Variants in HERC2 observed in about 807,000 individuals in gnomAD.
The protein encoded by HERC2 is E3 ubiquitin-protein ligase HERC2.
HERC2 carries 102 observed loss-of-function variants against 537.7 expected under a neutral mutation model. That is an observed-to-expected ratio of 0.19 (90% CI 0.16 to 0.22). The LOEUF (loss-of-function observed/expected upper bound fraction) is 0.22, where lower values mean the gene tolerates loss of function less well. Among genes scored for constraint, HERC2 ranks in the 10% least tolerant of loss-of-function variants. The pLI is 1.00. For missense variants in HERC2, 4,236 were observed against 6,198.2 expected (o/e 0.68, Z 10.63); for synonymous variants, 2,224 against 2,466.2 (o/e 0.90, Z 2.91).
chr15:28,294,064 C>T (rs1164842340), intron 3 of HERC2, among the ~76,000 whole-genome samples: 2 of 152,184 alleles, frequency 1.3e-5, no homozygotes, highest in Admixed American at 6.5e-5. Flanking sequence ...CTAAAAATCT[C>T]GAAGGAAACA....
Position 28,265,797 on chromosome 15 carries a change from C to A in HERC2, c.1756+20G>T. ...GGCCACCTCCTGCTGCATGCTCCCA[C>A]TCATGCAGAGCAGACGTACCATGGC... On this transcript the variant is annotated intron_variant, in intron 13 of 92. Coordinates refer to ENST00000261609, the MANE Select transcript of HERC2 (RefSeq NM_004667.6). This position sits in a 1 kb window ranked among gnomAD's most constrained non-coding sequence, Gnocchi z 4.0. The A allele has an allele frequency of 2.5e-6, 4 of 1,614,052 alleles. No homozygotes were observed. The highest frequency in any genetic ancestry group is 3.4e-6 in the Non-Finnish European group (4 of 1,179,892).
At chr15:28,274,200 A>G in intron 7 of HERC2, 91 bp downstream of exon 7, 1 of 1,365,048 alleles carries the variant, frequency 7.3e-7, no homozygotes, top group Non-Finnish European at 1.0e-6. Flanking sequence ...CCAACCTACT[A>G]GGCTTCTTAG....
At position 28,246,914 on chromosome 15, in the gene HERC2, G is replaced by A; in HGVS notation, c.3236-17C>T. The A allele has an allele frequency of 6.3e-7, 1 of 1,592,000 alleles. No homozygotes were observed. Among genetic ancestry groups the A allele is most frequent in the Non-Finnish European group, 8.5e-7 (1 of 1,173,580 alleles). ...GCTCTGGACCTTGAAGAAGGATTGA[G>A]AAATTTTCATTTTCACTACTAAAAT... On this transcript the variant is annotated splice_polypyrimidine_tract_variant and intron_variant, in intron 21 of 92. Coordinates refer to ENST00000261609, the MANE Select transcript of HERC2 (RefSeq NM_004667.6).
intron 23 of HERC2, among the ~76,000 whole-genome samples, chr15:28,242,833 T>C (rs1012551915): frequency 6.6e-6 from 1 of 152,202 alleles, no homozygotes; most frequent in Non-Finnish European, 1.5e-5. Flanking sequence ...AGGAAAAGCA[T>C]GTGATGAAAC....
rs749104715 is a variant in HERC2, at chr15:28,111,767, T to C, written c.14501A>G (p.His4834Arg). 6 of 1,612,762 alleles carry C rather than the reference T, an allele frequency of 3.7e-6. No homozygotes were observed. In the African/African-American group the frequency reaches 4.0e-5, roughly 11 times the overall value. ...TCACGAGGACGTTTCCCCATCTTAG[T>C]GTCCTGTTAAATAATCTTGTGTAGA... ...SDSTQDYLTG[H>R] is the part of the protein sequence containing the mutation. Residue 4834 changes from histidine (H) to arginine (R), a missense_variant, in exon 93 of 93, where the codon CAC becomes CGC. Around this residue, in one of 27 missense-constraint regions of HERC2, gnomAD observed 313 missense variants for 462.6 expected, o/e 0.68. Transcript: ENST00000261609.
chr15:28,211,683 T>A (rs1899252073), intron 43 of HERC2, among the ~76,000 whole-genome samples: 1 of 152,040 alleles, frequency 6.6e-6, no homozygotes. Context: ...TTCACCACGA[T>A]GGGAAACGGC....
chr15:28,269,157 A>T, intron 11 of HERC2, 91 bp downstream of exon 11: 1 of 925,742 alleles, frequency 1.1e-6, no homozygotes, highest in Non-Finnish European at 1.6e-6. Flanking sequence ...CAGAAATCAA[A>T]CGCCTTAAAG....
chr15:28,162,319 ACT>A (rs546504846), intron 69 of HERC2, among the ~76,000 whole-genome samples: 9 of 152,328 alleles, frequency 5.9e-5, no homozygotes, highest in African/African-American at 2.2e-4. Flanking sequence ...GGTGAAGGAG[ACT>A]GTCTCAAAAA....
At position 28,271,043 on chromosome 15, in the gene HERC2, T is replaced by C. The variant is rs190233239; in HGVS notation, c.1084-175A>G. On this transcript the variant is annotated intron_variant, in intron 9 of 92. Transcript: ENST00000261609. Reference sequence around the variant, plus strand: ...ATATTTATGCAGCATATAAACTGACTGTGTAAATGTCTAAATTTGCTGTAC... The same window carrying C: ...ATATTTATGCAGCATATAAACTGACCGTGTAAATGTCTAAATTTGCTGTAC... Among the ~76,000 whole-genome samples, 10 of 152,358 alleles carry C rather than the reference T, an allele frequency of 6.6e-5. No homozygotes were observed. In the East Asian group the frequency reaches 1.7e-3, roughly 26 times the overall value.
At chr15:28,293,411 T>A (rs560913683) in intron 3 of HERC2, among the ~76,000 whole-genome samples, 14 of 147,786 alleles carry the variant, frequency 9.5e-5, no homozygotes, top group African/African-American at 3.5e-4. Flanking sequence ...GAGAATGGCG[T>A]GAACCCGGGA....
Position 28,176,604 on chromosome 15 carries a change from G to A in HERC2, c.9515-5C>T. The stretch of plus-strand genomic sequence containing the variant: ...CACCCCAGGAAAATACCAAACCTAG[G>A]TTTAAGAAACACATATACTTCAGGC... On this transcript the variant is annotated splice_polypyrimidine_tract_variant and splice_region_variant and intron_variant, in intron 62 of 92. Transcript: ENST00000261609. This position sits in a 1 kb window ranked among gnomAD's most constrained non-coding sequence, Gnocchi z 5.0. 5 of 1,614,002 alleles carry A rather than the reference G, an allele frequency of 3.1e-6. No homozygotes were observed. The highest frequency in any genetic ancestry group is 3.4e-6 in the Non-Finnish European group (4 of 1,179,992).
intron 2 of HERC2, among the ~76,000 whole-genome samples, chr15:28,309,356 T>G (rs1279110424): frequency 6.6e-6 from 1 of 152,216 alleles, no homozygotes; most frequent in African/African-American, 2.4e-5. Flanking sequence ...TGAGTGCATA[T>G]ATACATATAT....
At chr15:28,141,032 G>A (rs1891170155) in intron 78 of HERC2, among the ~76,000 whole-genome samples, 1 of 150,916 alleles carries the variant, frequency 6.6e-6, no homozygotes, top group Non-Finnish European at 1.5e-5. Context: ...GAGGTCAGGA[G>A]TTCGAGACCA....
At chr15:28,252,266 T>C (rs2075107964) in intron 20 of HERC2, among the ~76,000 whole-genome samples, 1 of 151,664 alleles carries the variant, frequency 6.6e-6, no homozygotes, top group African/African-American at 2.4e-5. Context: ...TAGTTGCAGG[T>C]CAAACAGGCC....
chr15:28,261,215 ATC>A (rs2075406357), intron 15 of HERC2, among the ~76,000 whole-genome samples: 1 of 152,030 alleles, frequency 6.6e-6, no homozygotes, highest in Non-Finnish European at 1.5e-5. Flanking sequence ...TACAAAAAGG[ATC>A]TGTTTTTTTT....
rs1903761786 is a variant in HERC2, at chr15:28,246,859, A to G, written c.3274T>C (p.Tyr1092His). 6.2e-7 allele frequency: 1 copy of G among 1,611,024 alleles called. No homozygotes were observed. The highest frequency in any genetic ancestry group is 8.5e-7 in the Non-Finnish European group (1 of 1,178,994). Residue 1092 changes from tyrosine (Y) to histidine (H), a missense_variant, in exon 22 of 93, where the codon TAC (tyrosine) becomes CAC (histidine). Around this residue, in one of 27 missense-constraint regions of HERC2, gnomAD observed 754 missense variants for 1,085.0 expected, o/e 0.69. Coordinates refer to ENST00000261609, the MANE Select transcript of HERC2 (RefSeq NM_004667.6). ...LMGVGSLLKK[Y>H]TALLCTHIGD... The stretch of plus-strand genomic sequence containing the variant: ...ATGTGCGTGCACAGGAGGGCTGTGT[A>G]CTTCTTCAGCAAGGAACCAACACCC...
At chr15:28,116,112 C>T (rs572985951) in intron 88 of HERC2, among the ~76,000 whole-genome samples, 5 of 152,314 alleles carry the variant, frequency 3.3e-5, no homozygotes, top group South Asian at 2.1e-4. Context: ...GAGCTTCCGA[C>T]GGTCCACCAC....
At chr15:28,159,826 A>C (rs879818178) in intron 69 of HERC2, among the ~76,000 whole-genome samples, 52 of 152,066 alleles carry the variant, frequency 3.4e-4, no homozygotes, top group Non-Finnish European at 5.7e-4. Context: ...TAGAATTTTC[A>C]GTTTTTCTGC....
chr15:28,296,723 G>C (rs1488491435), intron 3 of HERC2, among the ~76,000 whole-genome samples: 2 of 146,130 alleles, frequency 1.4e-5, no homozygotes, highest in African/African-American at 5.0e-5. Context: ...GCTGATTCCT[G>C]TCTTGGAAGA....
Sources: allele counts gnomAD v4.1 joint callset (sites outside exome capture counted in the v4.1 genomes callset), GRCh38; gene constraint gnomAD v4.1.1; regional missense constraint gnomAD v4.1.1; non-coding constraint Gnocchi (gnomAD v3.1); transcripts MANE v1.5; gene names NCBI Gene and HGNC (gene_info 2026-07-23, HGNC 2026-07-21).